Variants in METTL15 observed in about 807,000 individuals in gnomAD.
The protein encoded by METTL15 is methyltransferase 15, mitochondrial 12S rRNA N4-cytidine, also known as 12S rRNA N(4)-cytidine methyltransferase METTL15.
Under a neutral mutation model 38.3 loss-of-function variants are expected in METTL15, and 34 were observed. The observed-to-expected ratio is 0.89, with a 90% CI of 0.68 to 1.18. The LOEUF is 1.18. METTL15 is among the 50% of genes most tolerant of loss of function. The pLI is 0.00. For missense variants in METTL15, 438 were observed against 498.4 expected (o/e 0.88, Z 1.15); for synonymous variants, 162 against 170.9 (o/e 0.95, Z 0.41).
downstream of METTL15, among the ~76,000 whole-genome samples, chr11:28,338,105 A>T (rs1849918057): frequency 6.7e-6 from 1 of 149,240 alleles, no homozygotes. Context: ...CTTCACCAAG[A>T]CTTGGTTCAG....
At chr11:28,484,506 A>G (rs1020546884) in intron 6 of METTL15, among the ~76,000 whole-genome samples, 99 of 152,110 alleles carry the variant, frequency 6.5e-4, no homozygotes, top group African/African-American at 2.1e-3. Context: ...TGGGATTTCC[A>G]TGTCCTTTGT....
chr11:28,253,806 A>G (rs192980739), intron 4 of METTL15, among the ~76,000 whole-genome samples: 1 of 152,154 alleles, frequency 6.6e-6, no homozygotes, highest in African/African-American at 2.4e-5. Flanking sequence ...AAATGACACA[A>G]TCTCATCCAT....
At chr11:28,179,153 T>G (rs1851188744) in intron 3 of METTL15, among the ~76,000 whole-genome samples, 2 of 151,830 alleles carry the variant, frequency 1.3e-5, no homozygotes, top group South Asian at 2.1e-4. Flanking sequence ...TGGAAATGTT[T>G]TAATTAGAGT....
intron 6 of METTL15, among the ~76,000 whole-genome samples, chr11:28,444,988 T>G (rs951734142): frequency 2.0e-5 from 3 of 152,096 alleles, no homozygotes; most frequent in Admixed American, 6.5e-5. Context: ...CTGGCTACAG[T>G]CCTGGTCCTG....
At chr11:28,212,188 C>T (rs918913805) in intron 4 of METTL15, among the ~76,000 whole-genome samples, 1 of 151,968 alleles carries the variant, frequency 6.6e-6, no homozygotes, top group Non-Finnish European at 1.5e-5. Context: ...ATGTGATTAA[C>T]TCTCCCCATA....
intron 6 of METTL15, among the ~76,000 whole-genome samples, chr11:28,515,385 A>T (rs1851711276): frequency 6.6e-6 from 1 of 152,340 alleles, no homozygotes; most frequent in Middle Eastern, 3.4e-3. Context: ...TTTTCCTATT[A>T]TATTCATGTA....
intron 5 of METTL15, among the ~76,000 whole-genome samples, chr11:28,376,915 A>T (rs1312812545): frequency 4.5e-5 from 6 of 134,598 alleles, no homozygotes; most frequent in Admixed American, 8.1e-5. Context: ...TCCTTCACTT[A>T]TGAAGCTTAG....
intron 4 of METTL15, among the ~76,000 whole-genome samples, chr11:28,231,819 G>C (rs188950933): frequency 6.6e-6 from 1 of 151,814 alleles, no homozygotes; most frequent in Admixed American, 6.6e-5. Context: ...AGCACACCTT[G>C]TGCTACCTTT....
At chr11:28,293,308 A>G (rs1454899385) in intron 5 of METTL15, among the ~76,000 whole-genome samples, 1 of 152,212 alleles carries the variant, frequency 6.6e-6, no homozygotes, top group Non-Finnish European at 1.5e-5. Flanking sequence ...TTTATTAAAC[A>G]GGGAATCCTT....
intron 4 of METTL15, among the ~76,000 whole-genome samples, chr11:28,273,765 A>G (rs1855736150): frequency 1.3e-5 from 2 of 152,104 alleles, no homozygotes. Flanking sequence ...ACTGGACCAC[A>G]TCTAAAAATA....
At chr11:28,423,436 G>T (rs1450629525) in intron 5 of METTL15, among the ~76,000 whole-genome samples, 1 of 152,002 alleles carries the variant, frequency 6.6e-6, no homozygotes, top group Non-Finnish European at 1.5e-5. Context: ...CAATAGCCAA[G>T]ATTTGGAAAC....
At chr11:28,370,566 A>G (rs528687181) in intron 5 of METTL15, among the ~76,000 whole-genome samples, 1 of 152,002 alleles carries the variant, frequency 6.6e-6, no homozygotes, top group African/African-American at 2.4e-5. Flanking sequence ...TTTGAGATAT[A>G]TACCCAATAG....
At chr11:28,492,863 C>T (rs1564946785) in intron 6 of METTL15, among the ~76,000 whole-genome samples, 3 of 152,068 alleles carry the variant, frequency 2.0e-5, no homozygotes, top group Non-Finnish European at 4.4e-5. Flanking sequence ...TTTTCAGGTA[C>T]ATCAGGTACA....
intron 5 of METTL15, among the ~76,000 whole-genome samples, chr11:28,396,841 T>C (rs1850574989): frequency 6.6e-6 from 1 of 152,088 alleles, no homozygotes; most frequent in Non-Finnish European, 1.5e-5. Context: ...CTTCAAACTA[T>C]ACTACAAGGC....
downstream of METTL15, among the ~76,000 whole-genome samples, chr11:28,336,326 C>T (rs1477332120): frequency 2.0e-5 from 3 of 152,138 alleles, no homozygotes; most frequent in Non-Finnish European, 2.9e-5. Context: ...TCCTCCTCCA[C>T]CTTCATATCA....
intron 3 of METTL15, among the ~76,000 whole-genome samples, chr11:28,204,149 A>G (rs1053125718): frequency 1.4e-4 from 21 of 152,060 alleles, no homozygotes; most frequent in African/African-American, 4.6e-4. Flanking sequence ...ATGCTGCCAC[A>G]TTAAGTTGGA....
intron 4 of METTL15, among the ~76,000 whole-genome samples, chr11:28,221,126 A>C (rs1252305243): frequency 6.6e-6 from 1 of 152,166 alleles, no homozygotes; most frequent in African/African-American, 2.4e-5. Context: ...AGATTGAGGA[A>C]GTTCTCCTGG....
chr11:28,441,000 A>AT (rs994383357), intron 6 of METTL15, among the ~76,000 whole-genome samples: 23 of 146,644 alleles, frequency 1.6e-4, no homozygotes, highest in East Asian at 4.0e-4. Flanking sequence ...TGTAGAAACA[A>AT]TTTTTTTTTG....
At chr11:28,158,493 A>AT (rs1369176594) in intron 3 of METTL15, among the ~76,000 whole-genome samples, 1 of 152,130 alleles carries the variant, frequency 6.6e-6, no homozygotes, top group East Asian at 1.9e-4. Flanking sequence ...ATATGGCACC[A>AT]TTCCTTGGTG....
Sources: allele counts gnomAD v4.1 joint callset (sites outside exome capture counted in the v4.1 genomes callset), GRCh38; gene constraint gnomAD v4.1.1; transcripts MANE v1.5; gene names NCBI Gene and HGNC (gene_info 2026-07-23, HGNC 2026-07-21).